Variants in UNC5D observed in about 807,000 individuals in gnomAD.
UNC5D encodes the protein unc-5 netrin receptor D.
In UNC5D, 39 loss-of-function variants were observed where a neutral mutation model predicts 105.4. The ratio of observed to expected loss-of-function variants is 0.37; its 90% confidence interval spans 0.29 to 0.48. The LOEUF (loss-of-function observed/expected upper bound fraction) is 0.48. UNC5D is among the 20% of genes least tolerant of loss of function. UNC5D has a pLI of 0.98. For synonymous variants in UNC5D, 452 were observed against 450.4 expected, an observed-to-expected ratio of 1.00 and a Z score of -0.04; for missense variants, 991 against 1,202.4, an observed-to-expected ratio of 0.82 and a Z score of 2.60.
chr8:35,257,978 T>A, intron 1 of UNC5D, among the ~76,000 whole-genome samples: 1 of 152,222 alleles, frequency 6.6e-6, no homozygotes, highest in East Asian at 1.9e-4. Context: ...TACACATGTG[T>A]CTTAATCCAT....
At chr8:35,559,424 G>A (rs1439161) in intron 2 of UNC5D, among the ~76,000 whole-genome samples, 34,827 of 152,124 alleles carry the variant, frequency 0.23, 4,365 homozygotes, top group African/African-American at 0.33. Context: ...TGAGTGGAGA[G>A]GCAAGCATTT....
intron 1 of UNC5D, among the ~76,000 whole-genome samples, chr8:35,506,538 G>T (rs1304720088): frequency 6.6e-6 from 1 of 152,194 alleles, no homozygotes; most frequent in East Asian, 1.9e-4. Flanking sequence ...CAGTGTCAGA[G>T]ACAAAGAATT....
At chr8:35,324,051 G>C (rs149949791) in intron 1 of UNC5D, among the ~76,000 whole-genome samples, 1 of 151,762 alleles carries the variant, frequency 6.6e-6, no homozygotes, top group Non-Finnish European at 1.5e-5. Context: ...ACAACATAGC[G>C]AGACCCCATC....
chr8:35,737,047 G>A (rs972559660), intron 11 of UNC5D, among the ~76,000 whole-genome samples: 10 of 152,076 alleles, frequency 6.6e-5, no homozygotes. Context: ...GTGAAACTAT[G>A]TTTTATTTTC....
chr8:35,587,342 T>G (rs1160881816), intron 3 of UNC5D, among the ~76,000 whole-genome samples: 2 of 152,196 alleles, frequency 1.3e-5, no homozygotes, highest in Admixed American at 1.3e-4. Context: ...AAAGTGTTAT[T>G]TTAGCATCAT....
At chr8:35,607,428 A>G (rs1212148166) in intron 4 of UNC5D, among the ~76,000 whole-genome samples, 1 of 152,174 alleles carries the variant, frequency 6.6e-6, no homozygotes, top group African/African-American at 2.4e-5. Context: ...TCTGAAAGAG[A>G]AACTGTTCCA....
intron 10 of UNC5D, among the ~76,000 whole-genome samples, chr8:35,729,035 C>T (rs1356053159): frequency 6.6e-6 from 1 of 152,110 alleles, no homozygotes; most frequent in Non-Finnish European, 1.5e-5. Flanking sequence ...GTAGTATTTG[C>T]ATGTTTGGGC....
rs1826995646 is a variant in UNC5D at position 35,699,079 on chromosome 8, G to GCTTTTAAAATAT, written c.1085-6850_1085-6849insCTTTTAAAATAT. On this transcript the variant is annotated intron_variant, in intron 7 of 16. Transcript: ENST00000404895. ...ATATTGGCTTAAAAGTGTTTGCAGT[G>GCTTTTAAAATAT]GCCCAAGACCATATTTTACTCTGCA... Among the ~76,000 whole-genome samples, 5 of 152,068 alleles carry GCTTTTAAAATAT rather than the reference G, an allele frequency of 3.3e-5. No individual in the cohort carries two copies. The South Asian group carries it at 1.0e-3, about 32-fold the overall frequency.
chr8:35,753,119 T>C lies in UNC5D; in HGVS notation c.2163+2310T>C, dbSNP rs551572922. Among the ~76,000 whole-genome samples the C allele has an allele frequency of 3.7e-4, 56 of 152,286 alleles. 3 individuals carry two copies. The South Asian group carries it at 0.011, about 31-fold the overall frequency. The stretch of plus-strand genomic sequence containing the variant: ...TCCACTGTTCACAGATGAATACAAA[T>C]TACTGTGGACGTCATGAAAACACCA... On this transcript the variant is annotated intron_variant, in intron 13 of 16. Transcript: ENST00000404895.
At chr8:35,756,631 G>A (rs2131668879) in intron 13 of UNC5D, among the ~76,000 whole-genome samples, 1 of 152,010 alleles carries the variant, frequency 6.6e-6, no homozygotes, top group African/African-American at 2.4e-5. Context: ...AAAAACACTG[G>A]ACCATGATCA....
At chr8:35,237,109 T>A (rs1432248921) in intron 1 of UNC5D, among the ~76,000 whole-genome samples, 1 of 151,966 alleles carries the variant, frequency 6.6e-6, no homozygotes. Context: ...ATTTTCTTTT[T>A]AAGAGGTTGA....
chr8:35,628,412 G>T (rs1387259812), intron 4 of UNC5D, among the ~76,000 whole-genome samples: 1 of 152,110 alleles, frequency 6.6e-6, no homozygotes, highest in Non-Finnish European at 1.5e-5. Context: ...AGGATTACAG[G>T]TGTGAGCCAC....
chr8:35,702,079 T>G (rs558547972), intron 7 of UNC5D, among the ~76,000 whole-genome samples: 2 of 152,204 alleles, frequency 1.3e-5, no homozygotes, highest in East Asian at 3.9e-4. Context: ...GACTGAGTTA[T>G]AATAATTTAT....
chr8:35,573,781 A>G (rs533298917), intron 3 of UNC5D, among the ~76,000 whole-genome samples: 1 of 152,298 alleles, frequency 6.6e-6, no homozygotes, highest in South Asian at 2.1e-4. Flanking sequence ...TTAGGAGCCA[A>G]AGTGCCTGTT....
intron 1 of UNC5D, among the ~76,000 whole-genome samples, chr8:35,380,843 C>T (rs1310351586): frequency 6.6e-6 from 1 of 152,128 alleles, no homozygotes; most frequent in African/African-American, 2.4e-5. Context: ...TTTTTTATGT[C>T]CACTTTAAGG....
chr8:35,740,673 C>T (rs1246839054), intron 11 of UNC5D, among the ~76,000 whole-genome samples: 1 of 152,120 alleles, frequency 6.6e-6, no homozygotes, highest in African/African-American at 2.4e-5. Flanking sequence ...AATTTAAACT[C>T]CAGGTTTGGA....
intron 4 of UNC5D, among the ~76,000 whole-genome samples, chr8:35,682,583 T>C (rs1825740842): frequency 6.6e-6 from 1 of 152,152 alleles, no homozygotes; most frequent in Non-Finnish European, 1.5e-5. Context: ...AGATGTTGCT[T>C]AGACATGGAA....
intron 1 of UNC5D, among the ~76,000 whole-genome samples, chr8:35,455,568 C>T (rs1808434447): frequency 6.6e-6 from 1 of 151,904 alleles, no homozygotes; most frequent in Non-Finnish European, 1.5e-5. Context: ...CATGAACCAC[C>T]ACACCAGGCC....
chr8:35,390,232 G>A (rs1803686411), intron 1 of UNC5D, among the ~76,000 whole-genome samples: 1 of 152,112 alleles, frequency 6.6e-6, no homozygotes, highest in Non-Finnish European at 1.5e-5. Flanking sequence ...GAGAAAACCA[G>A]CCCCATAATC....
Sources: gnomAD v4.1 joint callset for allele counts (sites outside exome capture counted in the v4.1 genomes callset) on GRCh38, gnomAD v4.1.1 for gene constraint, MANE v1.5 for transcripts, NCBI Gene and HGNC (gene_info 2026-07-23, HGNC 2026-07-21) for gene names.